Variants in ROCK1 observed in about 807,000 individuals in gnomAD.
The protein encoded by ROCK1 is Rho associated coiled-coil containing protein kinase 1.
ROCK1 carries 36 observed loss-of-function variants against 196.8 expected under a neutral mutation model. The ratio of observed to expected loss-of-function variants is 0.18; its 90% confidence interval spans 0.14 to 0.24. ROCK1 has a LOEUF of 0.24. ROCK1 is among the 10% of genes least tolerant of loss of function. The pLI, the probability that ROCK1 is intolerant of heterozygous loss-of-function variation, is 1.00. For missense variants in ROCK1, 920 were observed against 1,562.0 expected (o/e 0.59, Z 6.93); for synonymous variants, 443 against 515.9 (o/e 0.86, Z 1.91).
intron 16 of ROCK1, among the ~76,000 whole-genome samples, chr18:20,999,890 T>C (rs954743213): frequency 6.6e-6 from 1 of 152,188 alleles, no homozygotes; most frequent in African/African-American, 2.4e-5. Context: ...CTTCCCAAAA[T>C]GCTGAGATTA....
At chr18:20,999,517 A>T (rs974788775) in intron 16 of ROCK1, among the ~76,000 whole-genome samples, 10 of 152,218 alleles carry the variant, frequency 6.6e-5, no homozygotes, top group African/African-American at 2.4e-4. Context: ...TACTCAATGA[A>T]CAATCCAAAA....
At chr18:21,087,413 C>A (rs1309640145) in intron 1 of ROCK1, among the ~76,000 whole-genome samples, 1 of 151,580 alleles carries the variant, frequency 6.6e-6, no homozygotes, top group Admixed American at 6.6e-5. Flanking sequence ...TAAACATGAC[C>A]CATCCACAGA....
chr18:20,989,340 CATTA>C (rs1452984329), intron 18 of ROCK1, among the ~76,000 whole-genome samples: 1 of 152,098 alleles, frequency 6.6e-6, no homozygotes, highest in African/African-American at 2.4e-5. Context: ...ACCATATGGC[CATTA>C]ACTAGGTTAG....
intron 1 of ROCK1, among the ~76,000 whole-genome samples, chr18:21,085,740 T>C (rs958725208): frequency 9.2e-5 from 14 of 152,238 alleles, no homozygotes; most frequent in African/African-American, 2.4e-4. Flanking sequence ...TTAGTAGTCA[T>C]GTGATCTTGA....
At chr18:21,062,539 C>T (rs1158016513) in intron 2 of ROCK1, among the ~76,000 whole-genome samples, 4 of 151,954 alleles carry the variant, frequency 2.6e-5, no homozygotes. Flanking sequence ...AAATCAATGA[C>T]TAAATTAATA....
intron 16 of ROCK1, among the ~76,000 whole-genome samples, chr18:21,000,523 A>C (rs1252526441): frequency 6.6e-6 from 1 of 152,186 alleles, no homozygotes; most frequent in Non-Finnish European, 1.5e-5. Flanking sequence ...GCAGCCTCCC[A>C]AAGTGCTGGG....
intron 12 of ROCK1, among the ~76,000 whole-genome samples, chr18:21,019,610 T>G (rs2035895148): frequency 6.6e-6 from 1 of 151,062 alleles, no homozygotes; most frequent in South Asian, 2.1e-4. Context: ...TGGCTAACAC[T>G]GTGAAACCCC....
intron 12 of ROCK1, among the ~76,000 whole-genome samples, chr18:21,018,768 C>A (rs776022098): frequency 1.3e-5 from 2 of 152,214 alleles, no homozygotes; most frequent in East Asian, 3.9e-4. Context: ...TTGTACCAAA[C>A]CCCCCACCTG....
At chr18:21,008,296 G>A (rs2035785894) in intron 13 of ROCK1, 102 bp from the exon 14 acceptor site, 2 of 783,718 alleles carry the variant, frequency 2.6e-6, no homozygotes, top group Non-Finnish European at 3.9e-6. Context: ...AAAAAAAAAA[G>A]ACAAACACTT....
At chr18:20,990,491 C>T (rs117013620) in intron 18 of ROCK1, among the ~76,000 whole-genome samples, 1,684 of 151,364 alleles carry the variant, frequency 0.011, 21 homozygotes, top group Middle Eastern at 0.027. Flanking sequence ...GTCAGGAGTT[C>T]GAGACCAGCC....
At chr18:21,034,506 T>C (rs1180890903) in intron 9 of ROCK1, among the ~76,000 whole-genome samples, 1 of 152,202 alleles carries the variant, frequency 6.6e-6, no homozygotes, top group Non-Finnish European at 1.5e-5. Context: ...TGTATATGGT[T>C]TAATGATTGA....
At chr18:20,963,245 A>G (rs1271607867) in intron 27 of ROCK1, among the ~76,000 whole-genome samples, 2 of 152,112 alleles carry the variant, frequency 1.3e-5, no homozygotes, top group African/African-American at 4.8e-5. Context: ...TCTTTACCCA[A>G]ATAAGAGACA....
Position 20,949,986 on chromosome 18 carries a change from T to C in ROCK1, c.*1398A>G, listed in dbSNP as rs1231245611. ...CCATCAGTGCGGCTTTCAATACCAC[T>C]TGAAACATGCATATCATCCTAGAGA... On this transcript the variant is annotated 3_prime_UTR_variant, in exon 33 of 33. Coordinates refer to ENST00000399799, the MANE Select transcript of ROCK1 (RefSeq NM_005406.3). The C allele has an allele frequency of 2.6e-5, 4 of 152,686 alleles. No individual in the cohort carries two copies. The highest frequency in any genetic ancestry group is 9.6e-5 in the African/African-American group (4 of 41,462). The allele number at this position is 152,686 out of a possible 1,614,324, so 9.5% of individuals were successfully genotyped here.
rs117889819 is a variant in ROCK1 at position 21,025,010 on chromosome 18, A to G, written c.1212-1330T>C. On this transcript the variant is annotated intron_variant, in intron 10 of 32. Coordinates refer to ENST00000399799, the MANE Select transcript of ROCK1 (RefSeq NM_005406.3). ...TAGATGAGACTGTTTCATCTCTAAG[A>G]TATTTTCTAAACTTAACATGCTATG... is the stretch of plus-strand genomic sequence containing the variant. Among the ~76,000 whole-genome samples the G allele has an allele frequency of 3.0e-3, 461 of 152,324 alleles. 3 individuals are homozygous for G. The highest frequency in any genetic ancestry group is 0.011 in the East Asian group (55 of 5,178).
chr18:20,982,543 C>T (rs1431458959), intron 21 of ROCK1, among the ~76,000 whole-genome samples: 1 of 152,140 alleles, frequency 6.6e-6, no homozygotes, highest in East Asian at 1.9e-4. Context: ...TGAGCCACCG[C>T]ACCTGGCCTG....
chr18:21,039,186 C>T (rs566498040), intron 9 of ROCK1, among the ~76,000 whole-genome samples: 25 of 152,208 alleles, frequency 1.6e-4, no homozygotes, highest in African/African-American at 5.8e-4. Flanking sequence ...AGATAACTAA[C>T]GCCTAAAATG....
intron 14 of ROCK1, among the ~76,000 whole-genome samples, chr18:21,007,835 A>C (rs1198837669): frequency 6.6e-6 from 1 of 152,186 alleles, no homozygotes; most frequent in Non-Finnish European, 1.5e-5. Context: ...GATGACAATC[A>C]CTACTCTAGT....
chr18:21,062,033 T>C (rs2049201728), intron 2 of ROCK1, among the ~76,000 whole-genome samples: 1 of 152,214 alleles, frequency 6.6e-6, no homozygotes, highest in Non-Finnish European at 1.5e-5. Flanking sequence ...ATTATAGTTA[T>C]GTGTATAGTC....
At chr18:21,038,624 G>C (rs1411806674) in intron 9 of ROCK1, among the ~76,000 whole-genome samples, 1 of 152,168 alleles carries the variant, frequency 6.6e-6, no homozygotes, top group Non-Finnish European at 1.5e-5. Flanking sequence ...CAGTCCTTAA[G>C]ACAAATAACT....
Sources: gnomAD v4.1 joint callset for allele counts (sites outside exome capture counted in the v4.1 genomes callset) on GRCh38, gnomAD v4.1.1 for gene constraint, MANE v1.5 for transcripts, NCBI Gene and HGNC (gene_info 2026-07-23, HGNC 2026-07-21) for gene names.